SAMD4A: variants seen among roughly 807,000 people sequenced by gnomAD.
SAMD4A encodes the protein protein Smaug homolog 1.
A neutral mutation model predicts 81.3 loss-of-function variants in SAMD4A; 33 were observed. The ratio of observed to expected loss-of-function variants is 0.41; its 90% CI spans 0.31 to 0.54. The LOEUF is 0.54. Ranked by LOEUF, SAMD4A falls within the 20% of genes least tolerant of loss-of-function variation. The probability of loss-of-function intolerance (pLI) is 0.37; values close to 1 mark genes in which losing one functional copy is unlikely to be tolerated. For missense variants in SAMD4A, 854 were observed against 951.1 expected (o/e 0.90, Z 1.34); for synonymous variants, 389 against 382.1 (o/e 1.02, Z -0.21).
intron 8 of SAMD4A, among the ~76,000 whole-genome samples, chr14:54,769,083 AT>A (rs1291624569): frequency 2.6e-5 from 4 of 152,208 alleles, no homozygotes; most frequent in African/African-American, 9.7e-5. Flanking sequence ...AATCACATGG[AT>A]TTCCCACAGC....
Position 54,769,035 on chromosome 14 carries a change from G to A in SAMD4A, c.1597-1069G>A, listed in dbSNP as rs187954276. The stretch of plus-strand genomic sequence containing the variant: ...CATGCCCTATTGACAAAACTGCTTC[G>A]GAAACTTCTCTCCCTCCTTGTTACT... On this transcript the variant is annotated intron_variant, in intron 8 of 12. Transcript: ENST00000554335. Among the ~76,000 whole-genome samples, 351 of 152,244 alleles carry A rather than the reference G, an allele frequency of 2.3e-3. 3 individuals are homozygous for A. Among genetic ancestry groups the A allele is most frequent in the African/African-American group, 7.9e-3 (329 of 41,538 alleles).
intron 2 of SAMD4A, among the ~76,000 whole-genome samples, chr14:54,601,370 G>A (rs78815689): frequency 0.038 from 5,777 of 152,108 alleles, 134 homozygotes; most frequent in East Asian, 0.094. Flanking sequence ...ATGGAAGTAG[G>A]TAGAGTCCAG....
intron 2 of SAMD4A, among the ~76,000 whole-genome samples, chr14:54,671,081 A>G (rs951433901): frequency 3.9e-5 from 6 of 152,208 alleles, no homozygotes; most frequent in East Asian, 1.9e-4. Context: ...GAAGCTTACC[A>G]TCTGCCAGGA....
chr14:54,638,752 G>C (rs2035096928), intron 2 of SAMD4A, among the ~76,000 whole-genome samples: 2 of 152,130 alleles, frequency 1.3e-5, no homozygotes. Flanking sequence ...GTAATACCCA[G>C]ACTAATTTAT....
intron 2 of SAMD4A, among the ~76,000 whole-genome samples, chr14:54,628,860 G>A (rs1594751799): frequency 6.6e-6 from 1 of 152,088 alleles, no homozygotes; most frequent in East Asian, 1.9e-4. Flanking sequence ...TGTCTCTAAT[G>A]GATCTGTATG....
chr14:54,773,602 G>T (rs1404987812), intron 9 of SAMD4A, among the ~76,000 whole-genome samples: 1 of 152,226 alleles, frequency 6.6e-6, no homozygotes, highest in Non-Finnish European at 1.5e-5. Context: ...GCATCTGCAC[G>T]TGATGCTAAG....
intron 3 of SAMD4A, among the ~76,000 whole-genome samples, chr14:54,727,549 G>A (rs1566606819): frequency 6.6e-6 from 1 of 152,054 alleles, no homozygotes; most frequent in Non-Finnish European, 1.5e-5. Context: ...GAAAAATATG[G>A]CACTAAATAG....
intron 2 of SAMD4A, among the ~76,000 whole-genome samples, chr14:54,585,479 A>C (rs537381914): frequency 1.3e-5 from 2 of 152,226 alleles, no homozygotes; most frequent in South Asian, 4.2e-4. Flanking sequence ...TGGGGAACAA[A>C]TGGTATTTGG....
intron 2 of SAMD4A, among the ~76,000 whole-genome samples, chr14:54,625,410 A>G (rs1371914427): frequency 1.3e-5 from 2 of 152,238 alleles, no homozygotes; most frequent in Admixed American, 6.5e-5. Context: ...AGGGAATGGA[A>G]TGTAAACATT....
chr14:54,610,330 G>A (rs1046088539), intron 2 of SAMD4A, among the ~76,000 whole-genome samples: 1 of 152,172 alleles, frequency 6.6e-6, no homozygotes, highest in Non-Finnish European at 1.5e-5. Flanking sequence ...ATGTAAAGAA[G>A]GAACAAAGTC....
chr14:54,756,243 G>A (rs577771912), intron 6 of SAMD4A, among the ~76,000 whole-genome samples: 6 of 152,268 alleles, frequency 3.9e-5, no homozygotes, highest in African/African-American at 1.4e-4. Context: ...AGAGCTGCTG[G>A]TATCCTGATT....
chr14:54,722,415 G>A lies in SAMD4A; in HGVS notation c.716-14609G>A, dbSNP rs376629760. On this transcript the variant is annotated intron_variant, in intron 3 of 12. Transcript: ENST00000554335. ...TTCAAGCTGTTGTACAAATCTATAG[G>A]CCTCAACATTTGGGTCCTGCAATGC... Among the ~76,000 whole-genome samples the A allele has an allele frequency of 3.0e-4, 46 of 152,280 alleles. No homozygotes were observed. The South Asian group carries it at 9.5e-3, about 32-fold the overall frequency.
At chr14:54,655,062 C>G (rs1319287527) in intron 2 of SAMD4A, among the ~76,000 whole-genome samples, 2 of 152,352 alleles carry the variant, frequency 1.3e-5, no homozygotes, top group African/African-American at 2.4e-5. Context: ...TTAGCCTCAG[C>G]TTTGCAGATC....
rs1306852922 is a variant in SAMD4A at position 54,743,567 on chromosome 14, C to G, written c.980-5248C>G. 2.6e-5 allele frequency among the ~76,000 whole-genome samples: 4 copies of G among 152,258 alleles called. No individual in the cohort carries two copies. In the East Asian group the frequency reaches 7.7e-4, roughly 29 times the overall value. The stretch of plus-strand genomic sequence containing the variant: ...TGGACACAGCCACTGTTTAATGACA[C>G]AAAGCAGGCTGCTTTAAAACAGCAC... On this transcript the variant is annotated intron_variant, in intron 4 of 12. Coordinates refer to ENST00000554335, the MANE Select transcript of SAMD4A (RefSeq NM_015589.6).
chr14:54,760,880 G>A (rs2038379421), intron 7 of SAMD4A, among the ~76,000 whole-genome samples: 1 of 152,164 alleles, frequency 6.6e-6, no homozygotes, highest in Admixed American at 6.5e-5. Flanking sequence ...AAGCAAAAGC[G>A]GCAGAAAATG....
rs574860071 is a variant in SAMD4A at position 54,748,567 on chromosome 14, C to CCTGAATGCCCTGA, written c.980-248_980-247insCTGAATGCCCTGA. Among the ~76,000 whole-genome samples, 81 of 152,296 alleles carry CCTGAATGCCCTGA rather than the reference C, an allele frequency of 5.3e-4. 2 individuals are homozygous for CCTGAATGCCCTGA. The South Asian group carries it at 7.9e-3, about 15-fold the overall frequency. On this transcript the variant is annotated intron_variant, in intron 4 of 12. Transcript: ENST00000554335. ...GGGGATTTCTGAATGCCCTGAAGCT[C>CCTGAATGCCCTGA]ATGGACCCCAACTTAGTACTCCTGG...
chr14:54,753,239 C>T (rs1394910051), intron 6 of SAMD4A, among the ~76,000 whole-genome samples: 1 of 151,440 alleles, frequency 6.6e-6, no homozygotes, highest in African/African-American at 2.4e-5. Flanking sequence ...AGACTATCAC[C>T]TGGGAAGAAA....
At chr14:54,681,731 C>G (rs747137306) in intron 2 of SAMD4A, 270 of 955,094 alleles carry the variant, frequency 2.8e-4, no homozygotes, top group Non-Finnish European at 3.3e-4. Flanking sequence ...CACGCCCTGC[C>G]TTTTAGAAAA....
chr14:54,636,034 G>A (rs1004012882), intron 2 of SAMD4A, among the ~76,000 whole-genome samples: 2 of 152,216 alleles, frequency 1.3e-5, no homozygotes, highest in Non-Finnish European at 2.9e-5. Context: ...GTAGCGTAAG[G>A]TAAGTAAATC....
Sources: allele counts gnomAD v4.1 joint callset (sites outside exome capture counted in the v4.1 genomes callset), GRCh38; gene constraint gnomAD v4.1.1; transcripts MANE v1.5; gene names NCBI Gene and HGNC (gene_info 2026-07-23, HGNC 2026-07-21).